Variants in CSMD3 observed in about 807,000 individuals in gnomAD.
The protein encoded by CSMD3 is CUB and Sushi multiple domains 3.
CSMD3 carries 177 observed loss-of-function variants against 435.2 expected under a neutral mutation model. That is an observed-to-expected ratio of 0.41 (90% CI 0.36 to 0.46). The LOEUF (loss-of-function observed/expected upper bound fraction) is 0.46. CSMD3 is among the 20% of genes least tolerant of loss of function. The pLI, the probability that CSMD3 is intolerant of heterozygous loss-of-function variation, is 0.34. For synonymous variants in CSMD3, 1,656 were observed against 1,520.5 expected (o/e 1.09, Z -2.07); for missense variants, 4,265 against 4,504.6 (o/e 0.95, Z 1.52).
At chr8:113,010,106 T>C (rs1347556050) in intron 6 of CSMD3, among the ~76,000 whole-genome samples, 1 of 151,710 alleles carries the variant, frequency 6.6e-6, no homozygotes, top group Non-Finnish European at 1.5e-5. Flanking sequence ...TAAGCACTTA[T>C]ATTAAGACTC....
At chr8:113,203,919 G>A (rs1320848537) in intron 3 of CSMD3, among the ~76,000 whole-genome samples, 1 of 152,036 alleles carries the variant, frequency 6.6e-6, no homozygotes, top group Non-Finnish European at 1.5e-5. Flanking sequence ...TTAAATCAAT[G>A]ATGGGTGTTT....
intron 11 of CSMD3, among the ~76,000 whole-genome samples, chr8:112,846,727 TTATTTATTTA>T (rs2080332899): frequency 6.6e-6 from 1 of 152,040 alleles, no homozygotes; most frequent in East Asian, 1.9e-4. Context: ...TTATTGATAT[TTATTTATTTA>T]TATTTATTGA....
chr8:112,995,338 T>A (rs182751430), intron 6 of CSMD3, among the ~76,000 whole-genome samples: 2 of 151,490 alleles, frequency 1.3e-5, no homozygotes, highest in Non-Finnish European at 3.0e-5. Flanking sequence ...AGTTTTGGTA[T>A]AATAATGTGA....
intron 32 of CSMD3, among the ~76,000 whole-genome samples, chr8:112,449,825 T>C (rs989936134): frequency 5.3e-5 from 8 of 152,062 alleles, no homozygotes; most frequent in African/African-American, 1.7e-4. Context: ...TGGGCTCAAG[T>C]GATTCTCCTG....
intron 9 of CSMD3, among the ~76,000 whole-genome samples, chr8:112,936,212 C>A (rs1056048304): frequency 1.3e-5 from 2 of 151,884 alleles, no homozygotes; most frequent in African/African-American, 4.8e-5. Context: ...TTTTTTCTAT[C>A]TTGCTTACCC....
At chr8:112,729,749 C>T (rs979398207) in intron 13 of CSMD3, among the ~76,000 whole-genome samples, 17 of 152,008 alleles carry the variant, frequency 1.1e-4, no homozygotes, top group African/African-American at 4.1e-4. Context: ...AGAAGACAAT[C>T]AAAATAGAGA....
At chr8:112,721,322 C>T (rs1273117740) in intron 13 of CSMD3, among the ~76,000 whole-genome samples, 1 of 152,202 alleles carries the variant, frequency 6.6e-6, no homozygotes, top group Non-Finnish European at 1.5e-5. Context: ...TTCCTGCAAT[C>T]CCAGCACTTT....
chr8:113,087,522 G>A (rs1430082213), intron 5 of CSMD3, among the ~76,000 whole-genome samples: 2 of 152,068 alleles, frequency 1.3e-5, no homozygotes, highest in African/African-American at 2.4e-5. Flanking sequence ...ATAGATCAAT[G>A]GAACAGAACA....
chr8:113,280,312 A>G (rs540275361), intron 2 of CSMD3, among the ~76,000 whole-genome samples: 2 of 151,802 alleles, frequency 1.3e-5, no homozygotes, highest in East Asian at 3.9e-4. Flanking sequence ...TTTCGTTGCT[A>G]ATTTTAAAAT....
At chr8:112,558,492 A>G (rs1828329221) in intron 24 of CSMD3, among the ~76,000 whole-genome samples, 1 of 151,890 alleles carries the variant, frequency 6.6e-6, no homozygotes, top group East Asian at 1.9e-4. Flanking sequence ...ATAAAAACAG[A>G]CAGTTTTTAC....
chr8:113,058,226 C>A (rs1262283286), intron 5 of CSMD3, among the ~76,000 whole-genome samples: 1 of 151,744 alleles, frequency 6.6e-6, no homozygotes, highest in East Asian at 1.9e-4. Flanking sequence ...AACTTTATTT[C>A]TTTTTATTGT....
chr8:113,288,065 A>T (rs1406689180), intron 2 of CSMD3, among the ~76,000 whole-genome samples: 1 of 151,850 alleles, frequency 6.6e-6, no homozygotes, highest in East Asian at 1.9e-4. Flanking sequence ...TTTTGTTACA[A>T]AAGTGTTCCT....
intron 13 of CSMD3, among the ~76,000 whole-genome samples, chr8:112,755,029 G>A (rs1219969665): frequency 6.6e-6 from 1 of 152,004 alleles, no homozygotes; most frequent in African/African-American, 2.4e-5. Flanking sequence ...CCTGGTGGGA[G>A]GTAATTAAAT....
At position 112,586,311 on chromosome 8, in the gene CSMD3, A is replaced by G. The variant is rs147339803; in HGVS notation, c.3885+755T>C. ...AAAACTTAACAATTAGAAAAAAGCT[A>G]CATAACTATTTTAAAAACATTTAAA... On this transcript the variant is annotated intron_variant, in intron 23 of 70. Coordinates refer to ENST00000297405, the MANE Select transcript of CSMD3 (RefSeq NM_198123.2). Among the ~76,000 whole-genome samples, 1,014 of 151,648 alleles carry G rather than the reference A, an allele frequency of 6.7e-3. 12 individuals are homozygous for G. The highest frequency in any genetic ancestry group is 0.023 in the African/African-American group (957 of 41,518).
At chr8:112,643,844 T>C (rs1461985968) in intron 20 of CSMD3, among the ~76,000 whole-genome samples, 3 of 152,102 alleles carry the variant, frequency 2.0e-5, no homozygotes, top group Non-Finnish European at 4.4e-5. Flanking sequence ...AGTCCTGACA[T>C]AATTCTCACC....
intron 5 of CSMD3, among the ~76,000 whole-genome samples, chr8:113,072,676 A>G (rs1328987518): frequency 6.6e-6 from 1 of 151,722 alleles, no homozygotes; most frequent in Non-Finnish European, 1.5e-5. Flanking sequence ...TTTATATCCA[A>G]TTCCACCTTT....
At chr8:113,205,055 C>T (rs1003569551) in intron 3 of CSMD3, among the ~76,000 whole-genome samples, 1 of 151,746 alleles carries the variant, frequency 6.6e-6, no homozygotes, top group African/African-American at 2.4e-5. Flanking sequence ...GTGATTTCGG[C>T]TCACTGCAAC....
chr8:112,735,952 T>A (rs1164863013), intron 13 of CSMD3, among the ~76,000 whole-genome samples: 1 of 151,996 alleles, frequency 6.6e-6, no homozygotes, highest in Non-Finnish European at 1.5e-5. Flanking sequence ...ATTATACATC[T>A]CAAGAATCAT....
chr8:112,452,855 CT>C (rs1439007129), intron 32 of CSMD3, among the ~76,000 whole-genome samples: 30 of 152,270 alleles, frequency 2.0e-4, no homozygotes, highest in African/African-American at 7.0e-4. Context: ...GAATTCTGAA[CT>C]GTTTTCTGAA....
Sources: allele counts gnomAD v4.1 joint callset (sites outside exome capture counted in the v4.1 genomes callset), GRCh38; gene constraint gnomAD v4.1.1; transcripts MANE v1.5; gene names NCBI Gene and HGNC (gene_info 2026-07-23, HGNC 2026-07-21).